Variants in NBEA observed in about 807,000 individuals in gnomAD.
The protein encoded by NBEA is lysosomal-trafficking regulator 2.
A neutral mutation model predicts 343.4 loss-of-function variants in NBEA; 44 were observed. The ratio of observed to expected loss-of-function variants is 0.13; its 90% CI spans 0.10 to 0.16. The LOEUF is 0.16. NBEA is among the 10% of genes least tolerant of loss of function. The pLI, the probability that NBEA is intolerant of heterozygous loss-of-function variation, is 1.00. For synonymous variants in NBEA, 1,175 were observed against 1,238.7 expected (o/e 0.95, Z 1.08); for missense variants, 2,555 against 3,631.3 (o/e 0.70, Z 7.62).
intron 1 of NBEA, among the ~76,000 whole-genome samples, chr13:34,995,423 G>A (rs201840746): frequency 1.0e-3 from 145 of 143,464 alleles, no homozygotes; most frequent in Non-Finnish European, 1.0e-3. Context: ...CCTGTCTCAA[G>A]AAAAAAAAAA....
intron 17 of NBEA, among the ~76,000 whole-genome samples, chr13:35,140,871 C>T (rs1168268360): frequency 6.6e-6 from 1 of 152,070 alleles, no homozygotes; most frequent in Non-Finnish European, 1.5e-5. Context: ...ATAGGTTTTC[C>T]CAAGCAGTTG....
At chr13:35,430,383 T>A (rs2045022977) in intron 38 of NBEA, among the ~76,000 whole-genome samples, 1 of 152,192 alleles carries the variant, frequency 6.6e-6, no homozygotes, top group Admixed American at 6.5e-5. Flanking sequence ...TCTCCCATTT[T>A]ATGGGTTGTC....
chr13:35,259,731 A>G (rs1023850130), intron 34 of NBEA, among the ~76,000 whole-genome samples: 1 of 152,180 alleles, frequency 6.6e-6, no homozygotes, highest in Non-Finnish European at 1.5e-5. Flanking sequence ...GAATTTTTAC[A>G]AATATAGTTA....
chr13:35,255,668 TAC>T (rs1197659449), intron 34 of NBEA, among the ~76,000 whole-genome samples: 1 of 152,212 alleles, frequency 6.6e-6, no homozygotes, highest in Non-Finnish European at 1.5e-5. Context: ...CGCCAGAAAT[TAC>T]AGAGCCCCAG....
intron 47 of NBEA, 22 bp from the exon 48 acceptor site, chr13:35,606,404 G>A (rs1404608223): frequency 2.9e-6 from 4 of 1,377,276 alleles, no homozygotes; most frequent in African/African-American, 1.4e-5. Context: ...GGTTTAATAT[G>A]CTTCATTTTT....
At chr13:35,074,301 T>G (rs2064012789) in intron 10 of NBEA, among the ~76,000 whole-genome samples, 1 of 152,160 alleles carries the variant, frequency 6.6e-6, no homozygotes, top group Non-Finnish European at 1.5e-5. Flanking sequence ...TGTTATTGAG[T>G]ACATACATCT....
chr13:35,521,578 G>A (rs920373133), intron 41 of NBEA, among the ~76,000 whole-genome samples: 3 of 152,172 alleles, frequency 2.0e-5, no homozygotes, highest in Non-Finnish European at 4.4e-5. Flanking sequence ...CTCTGCTTCT[G>A]CTTCATCGTT....
chr13:35,019,151 T>C (rs1216457061), intron 1 of NBEA, among the ~76,000 whole-genome samples: 1 of 151,970 alleles, frequency 6.6e-6, no homozygotes, highest in East Asian at 1.9e-4. Flanking sequence ...GGATTTAATT[T>C]GGTATATATT....
In NBEA at chr13:35,349,100, CT is replaced by C; in HGVS notation, c.5904-3del. ...GAATAATATTTCTAAAGGTATTTTT[CT>C]TTTTAGATTACTGTGCCATGCTATG... On this transcript the variant is annotated splice_polypyrimidine_tract_variant and splice_region_variant and intron_variant, in intron 36 of 58. Transcript: ENST00000379939. 1 of 1,489,016 alleles carries C rather than the reference CT, an allele frequency of 6.7e-7. No homozygotes were observed. The highest frequency in any genetic ancestry group is 1.4e-5 in the South Asian group (1 of 71,436). 92.2% of individuals were successfully genotyped at this position (1,489,016 alleles called of 1,614,324 possible).
intron 41 of NBEA, among the ~76,000 whole-genome samples, chr13:35,512,276 G>C (rs2077305097): frequency 6.6e-6 from 1 of 152,124 alleles, no homozygotes; most frequent in South Asian, 2.1e-4. Flanking sequence ...ATGGTTGAAG[G>C]GTTCATTCAT....
In NBEA at chr13:35,428,282, C is replaced by A. The variant is rs191477215; in HGVS notation, c.6180-3987C>A. 2.6e-5 allele frequency among the ~76,000 whole-genome samples: 4 copies of A among 152,230 alleles called. No homozygotes were observed. The South Asian group carries it at 8.3e-4, about 32-fold the overall frequency. On this transcript the variant is annotated intron_variant, in intron 38 of 58. Coordinates refer to ENST00000379939, the MANE Select transcript of NBEA (RefSeq NM_001385012.1). ...TATTCGGCCATCTTGGCTCCTCCCCCACCCGCCATTATTTTTTTGGACATT... is the reference window on the plus strand; with the variant it reads ...TATTCGGCCATCTTGGCTCCTCCCCAACCCGCCATTATTTTTTTGGACATT...
At chr13:35,218,545 A>T (rs1285862286) in intron 33 of NBEA, among the ~76,000 whole-genome samples, 2 of 152,028 alleles carry the variant, frequency 1.3e-5, no homozygotes, top group East Asian at 3.9e-4. Context: ...AATTTATTAT[A>T]GTCATGGTTA....
intron 31 of NBEA, among the ~76,000 whole-genome samples, chr13:35,201,219 C>T (rs1347079541): frequency 6.6e-6 from 1 of 151,956 alleles, no homozygotes; most frequent in Non-Finnish European, 1.5e-5. Flanking sequence ...ATGTTTGTGT[C>T]CTCATTTCCC....
At chr13:35,323,905 A>G (rs1413808910) in intron 36 of NBEA, among the ~76,000 whole-genome samples, 1 of 152,016 alleles carries the variant, frequency 6.6e-6, no homozygotes, top group Non-Finnish European at 1.5e-5. Flanking sequence ...TCCATTTCTT[A>G]TTTCTTAGAG....
Position 35,654,897 on chromosome 13 carries a change from T to C in NBEA, c.8078T>C (p.Val2693Ala). 2 of 1,586,974 alleles carry C rather than the reference T, an allele frequency of 1.3e-6. No homozygotes were observed. The highest frequency in any genetic ancestry group is 1.7e-6 in the Non-Finnish European group (2 of 1,170,972). The part of the protein sequence containing the change: ...GVNKRQITDL[V>A]DQSIQINAHC... ...AACAAACGGCAGATCACAGACCTCG[T>C]TGACCAGAGTATACAAATCAATGCA... The change falls in exon 54 of 59, where the codon GTT (valine) becomes GCT (alanine). Residue 2693 changes from valine (V) to alanine (A), a missense_variant. Physicochemically the swap from Val to Ala is moderately conservative, Grantham distance 64. Coordinates refer to ENST00000379939, the MANE Select transcript of NBEA (RefSeq NM_001385012.1).
chr13:35,657,279 A>G (rs1224941274), intron 55 of NBEA, among the ~76,000 whole-genome samples: 1 of 152,258 alleles, frequency 6.6e-6, no homozygotes, highest in Non-Finnish European at 1.5e-5. Flanking sequence ...GCCTCTTGGC[A>G]TAGCTACTGA....
At position 35,576,329 on chromosome 13, in the gene NBEA, C is replaced by T. The variant is rs9565379; in HGVS notation, c.7036-7569C>T. ...ATGGGGTTTCATCATGTTGGCCAGA[C>T]TGATCTTGACCTCCTGGCCTCAAAG... On this transcript the variant is annotated intron_variant, in intron 45 of 58. Transcript: ENST00000379939. Among the ~76,000 whole-genome samples, 7 of 151,996 alleles carry T rather than the reference C, an allele frequency of 4.6e-5. No homozygotes were observed. In the East Asian group the frequency reaches 1.4e-3, roughly 30 times the overall value.
intron 48 of NBEA, among the ~76,000 whole-genome samples, chr13:35,623,456 C>A (rs2083084067): frequency 6.6e-6 from 1 of 152,018 alleles, no homozygotes; most frequent in South Asian, 2.1e-4. Context: ...TTTCTTTCTG[C>A]ACAGTAAGTG....
chr13:35,619,568 A>G (rs1333833882), intron 48 of NBEA, among the ~76,000 whole-genome samples: 4 of 152,150 alleles, frequency 2.6e-5, no homozygotes, highest in African/African-American at 2.4e-5. Flanking sequence ...CTTGATTCCC[A>G]TTATGGCCTG....
Sources: gnomAD v4.1 joint callset for allele counts (sites outside exome capture counted in the v4.1 genomes callset) on GRCh38, gnomAD v4.1.1 for gene constraint, MANE v1.5 for transcripts, NCBI Gene and HGNC (gene_info 2026-07-23, HGNC 2026-07-21) for gene names.